The following RNF216 variants were observed in gnomAD, a reference collection of about 807,000 sequenced individuals.
The protein encoded by RNF216 is ring finger protein 216, also known as E3 ubiquitin-protein ligase RNF216.
Under a neutral mutation model 110.8 loss-of-function variants are expected in RNF216, and 72 were observed. The ratio of observed to expected loss-of-function variants is 0.65; its 90% CI spans 0.54 to 0.79. The LOEUF (loss-of-function observed/expected upper bound fraction) is 0.79, where lower values mean the gene tolerates loss of function less well. Ranked by LOEUF, RNF216 falls within the 30% of genes least tolerant of loss-of-function variation. The probability of loss-of-function intolerance (pLI) is 0.00; values close to 1 mark genes in which losing one functional copy is unlikely to be tolerated. For missense variants in RNF216, 1,342 were observed against 1,141.2 expected, an observed-to-expected ratio of 1.18 and a Z score of -2.54; for synonymous variants, 495 against 407.5, an observed-to-expected ratio of 1.21 and a Z score of -2.59.
chr7:5,749,149 A>ATTTTT (rs71004700), intron 3 of RNF216, among the ~76,000 whole-genome samples: 1 of 115,002 alleles, frequency 8.7e-6, no homozygotes, highest in Admixed American at 9.2e-5. Context: ...ATGCCCATGT[A>ATTTTT]TTTTTTTTTT....
intron 1 of RNF216, among the ~76,000 whole-genome samples, chr7:5,775,492 T>C (rs1796722980): frequency 6.6e-6 from 1 of 152,174 alleles, no homozygotes; most frequent in Non-Finnish European, 1.5e-5. Context: ...CCTGTAAATA[T>C]GCCTGCCACT....
At chr7:5,750,479 A>C (rs1290597258) in intron 3 of RNF216, among the ~76,000 whole-genome samples, 1 of 152,248 alleles carries the variant, frequency 6.6e-6, no homozygotes, top group Non-Finnish European at 1.5e-5. Context: ...ATTACATTTC[A>C]AAAGAAAACT....
chr7:5,625,017 T>C (rs1163506781), intron 15 of RNF216, among the ~76,000 whole-genome samples: 1 of 152,186 alleles, frequency 6.6e-6, no homozygotes, highest in Non-Finnish European at 1.5e-5. Flanking sequence ...GCTGTGCAGT[T>C]TGTGGGACTG....
At chr7:5,765,969 A>G (rs1318028826) in intron 1 of RNF216, among the ~76,000 whole-genome samples, 2 of 95,600 alleles carry the variant, frequency 2.1e-5, no homozygotes, top group African/African-American at 8.5e-5. Flanking sequence ...AAAAAAAAAG[A>G]AAGAAAGAAA....
chr7:5,670,426 G>T (rs967613334), intron 13 of RNF216, among the ~76,000 whole-genome samples: 2 of 152,164 alleles, frequency 1.3e-5, no homozygotes, highest in African/African-American at 4.8e-5. Context: ...AGAACTAGAG[G>T]AGAGTGCTGA....
intron 13 of RNF216, among the ~76,000 whole-genome samples, chr7:5,654,942 C>A (rs140611837): frequency 0.02 from 3,004 of 152,226 alleles, 41 homozygotes; most frequent in Non-Finnish European, 0.031. Context: ...TTGCAGGAAG[C>A]TGGAGGACAA....
At chr7:5,626,274 C>G (rs1786695940) in intron 15 of RNF216, among the ~76,000 whole-genome samples, 1 of 152,138 alleles carries the variant, frequency 6.6e-6, no homozygotes, top group Non-Finnish European at 1.5e-5. Flanking sequence ...ACATGAAGGA[C>G]TGCAGTAACT....
Position 5,736,388 on chromosome 7 carries a change from C to T in RNF216, c.1121+2888G>A, listed in dbSNP as rs185298291. On this transcript the variant is annotated intron_variant, in intron 5 of 16. Coordinates refer to ENST00000389902, the MANE Select transcript of RNF216 (RefSeq NM_207111.4). ...CTGCCAGCCTCGGCCTCCCGAGGTG[C>T]CGGGATTGCAGATGGAGTCTCGTTC... 3.8e-3 allele frequency among the ~76,000 whole-genome samples: 575 copies of T among 152,348 alleles called. 3 individuals carry two copies. Among genetic ancestry groups the T allele is most frequent in the African/African-American group, 0.013 (556 of 41,590 alleles).
chr7:5,727,805 C>T (rs1793850859), intron 7 of RNF216, among the ~76,000 whole-genome samples: 2 of 151,996 alleles, frequency 1.3e-5, no homozygotes, highest in South Asian at 4.2e-4. Flanking sequence ...TCCTGTCTGC[C>T]TGCCTCCTCC....
At chr7:5,665,097 C>T (rs534143294) in intron 13 of RNF216, among the ~76,000 whole-genome samples, 1 of 152,286 alleles carries the variant, frequency 6.6e-6, no homozygotes, top group East Asian at 1.9e-4. Context: ...CGCACCCAGC[C>T]AGGACACACA....
intron 8 of RNF216, among the ~76,000 whole-genome samples, chr7:5,724,540 G>A (rs573197036): frequency 2.0e-5 from 3 of 152,192 alleles, no homozygotes; most frequent in African/African-American, 4.8e-5. Flanking sequence ...AGGCCAGGGC[G>A]AATGTCATGT....
intron 13 of RNF216, among the ~76,000 whole-genome samples, chr7:5,661,027 C>T (rs889386193): frequency 2.0e-5 from 3 of 149,154 alleles, no homozygotes; most frequent in East Asian, 2.0e-4. Context: ...CTGCAACCTC[C>T]GCCTCCAGGG....
At chr7:5,719,824 C>T (rs1393788780) in intron 9 of RNF216, among the ~76,000 whole-genome samples, 1 of 152,106 alleles carries the variant, frequency 6.6e-6, no homozygotes, top group Non-Finnish European at 1.5e-5. Context: ...AAAAAGTGGC[C>T]AATGCAGCTG....
chr7:5,718,851 C>T (rs1296701557), intron 9 of RNF216, among the ~76,000 whole-genome samples: 1 of 152,062 alleles, frequency 6.6e-6, no homozygotes, highest in Non-Finnish European at 1.5e-5. Flanking sequence ...GCCATCCCAC[C>T]CGGCCAAACT....
In RNF216 at chr7:5,721,071, G is replaced by C. The variant is rs1460554928; in HGVS notation, c.1606C>G (p.Gln536Glu). The change falls in exon 9 of 17, where the codon CAG becomes GAG. Residue 536 changes from glutamine (Q) to glutamate (E), a missense_variant. Physicochemically the swap from Gln to Glu is conservative, Grantham distance 29. Coordinates refer to ENST00000389902, the MANE Select transcript of RNF216 (RefSeq NM_207111.4). ...RALLPAVQQEQEFYEQKIKEM... is the reference protein window; with the variant it reads ...RALLPAVQQEEEFYEQKIKEM... Reference sequence around the variant, plus strand: ...TTGATTTTCTGCTCATAGAACTCCTGCTCTTGTTGCACAGCTGGAAGGAGA... The same window carrying C: ...TTGATTTTCTGCTCATAGAACTCCTCCTCTTGTTGCACAGCTGGAAGGAGA... 1.9e-6 allele frequency: 3 copies of C among 1,614,148 alleles called. No homozygotes were observed. The Admixed American group carries it at 5.0e-5, about 27-fold the overall frequency.
chr7:5,718,661 G>C (rs1017116574), intron 9 of RNF216, among the ~76,000 whole-genome samples: 1 of 150,802 alleles, frequency 6.6e-6, no homozygotes, highest in Non-Finnish European at 1.5e-5. Context: ...AGCAATTCTC[G>C]TGCCTCATCC....
intron 14 of RNF216, among the ~76,000 whole-genome samples, chr7:5,643,662 A>G (rs1238137758): frequency 9.9e-5 from 15 of 152,200 alleles, no homozygotes; most frequent in Non-Finnish European, 1.5e-5. Flanking sequence ...GTGTGTATGC[A>G]TTCTTTTGCT....
chr7:5,649,818 T>G (rs1278430703), intron 14 of RNF216: 2 of 152,244 alleles, frequency 1.3e-5, no homozygotes, highest in Non-Finnish European at 2.9e-5. Flanking sequence ...GGCTGCTGTT[T>G]TAGATGTCAT....
chr7:5,711,660 T>A, intron 13 of RNF216, 101 bp downstream of exon 13: 1 of 892,918 alleles, frequency 1.1e-6, no homozygotes, highest in Non-Finnish European at 1.8e-6. Flanking sequence ...CAAATCCTTC[T>A]TATACATCAG....
Sources: allele counts gnomAD v4.1 joint callset (sites outside exome capture counted in the v4.1 genomes callset), GRCh38; gene constraint gnomAD v4.1.1; transcripts MANE v1.5; gene names NCBI Gene and HGNC (gene_info 2026-07-23, HGNC 2026-07-21).